The following CACNB4 variants were observed in gnomAD, a reference collection of about 807,000 sequenced individuals.
The protein encoded by CACNB4 is voltage-dependent L-type calcium channel subunit beta-4.
A neutral mutation model predicts 71.2 loss-of-function variants in CACNB4; 32 were observed. The observed-to-expected ratio is 0.45, with a 90% CI of 0.34 to 0.60. CACNB4 has a LOEUF of 0.60. CACNB4 is among the 20% of genes least tolerant of loss of function. The pLI is 0.01. For missense variants in CACNB4, 464 were observed against 647.9 expected, an observed-to-expected ratio of 0.72 and a Z score of 3.08; for synonymous variants, 231 against 236.9, an observed-to-expected ratio of 0.97 and a Z score of 0.23.
chr2:151,904,903 C>T (rs1431398521), intron 2 of CACNB4, among the ~76,000 whole-genome samples: 1 of 152,142 alleles, frequency 6.6e-6, no homozygotes, highest in Non-Finnish European at 1.5e-5. Flanking sequence ...GATTACTTAG[C>T]TGTGTGGTAA....
At chr2:152,003,987 G>A (rs541427769) in intron 2 of CACNB4, among the ~76,000 whole-genome samples, 1 of 152,136 alleles carries the variant, frequency 6.6e-6, no homozygotes, top group East Asian at 1.9e-4. Context: ...CGGACCACAG[G>A]CACATGCCAC....
intron 2 of CACNB4, among the ~76,000 whole-genome samples, chr2:152,058,924 T>C (rs1012855188): frequency 6.6e-6 from 1 of 152,258 alleles, no homozygotes; most frequent in African/African-American, 2.4e-5. Context: ...CCAGTCACTC[T>C]AGCTGTGGCT....
At chr2:151,869,393 T>C (rs1267104682) in intron 8 of CACNB4, 158 bp from the exon 9 acceptor site, 4 of 567,132 alleles carry the variant, frequency 7.1e-6, no homozygotes, top group African/African-American at 3.8e-5. Context: ...GTGTTTTTCA[T>C]GCTTAACCAT....
At chr2:152,016,389 AC>A (rs1373093487) in intron 2 of CACNB4, among the ~76,000 whole-genome samples, 1 of 152,244 alleles carries the variant, frequency 6.6e-6, no homozygotes, top group Non-Finnish European at 1.5e-5. Context: ...TGCCATAGAA[AC>A]CAGTAGACTT....
At position 152,098,730 on chromosome 2, in the gene CACNB4, A is replaced by G. The variant is rs2105505554; in HGVS notation, c.63+219T>C. 3 of 1,547,124 alleles carry G rather than the reference A, an allele frequency of 1.9e-6. No individual in the cohort carries two copies. The East Asian group carries it at 7.3e-5, about 38-fold the overall frequency. On this transcript the variant is annotated intron_variant, in intron 1 of 13. Coordinates refer to ENST00000539935, the MANE Select transcript of CACNB4 (RefSeq NM_000726.5). The surrounding 1 kb of genome is among the most constrained non-coding windows in gnomAD (Gnocchi z 5.3). The stretch of plus-strand genomic sequence containing the variant: ...TGCGGGCTCCGGAGCGGGAGCGCAG[A>G]GACCCGAAGGAGGGTGAGGAGGAGG...
intron 2 of CACNB4, among the ~76,000 whole-genome samples, chr2:152,015,327 T>C (rs1371054276): frequency 6.6e-6 from 1 of 152,014 alleles, no homozygotes; most frequent in Non-Finnish European, 1.5e-5. Context: ...GAGACGGGGT[T>C]TCACTATGTT....
chr2:151,954,867 T>TTTTTTTTTTTA, intron 2 of CACNB4, among the ~76,000 whole-genome samples: 1 of 146,754 alleles, frequency 6.8e-6, no homozygotes. Flanking sequence ...TTTTTTTTTT[T>TTTTTTTTTTTA]TTTTGAGATG....
chr2:152,039,341 G>T (rs1026747302), intron 2 of CACNB4, among the ~76,000 whole-genome samples: 1 of 151,880 alleles, frequency 6.6e-6, no homozygotes, highest in Admixed American at 6.6e-5. Flanking sequence ...GCTTGAACCC[G>T]GGAGGCGGAG....
At chr2:151,842,132 T>C (rs2099836373) in intron 12 of CACNB4, 44 bp from the exon 13 acceptor site, 1 of 1,544,318 alleles carries the variant, frequency 6.5e-7, no homozygotes, top group Non-Finnish European at 8.9e-7. Context: ...TTTTAGGTTT[T>C]AGGCAATGAA....
chr2:151,844,108 C>T (rs1241974116), intron 12 of CACNB4, among the ~76,000 whole-genome samples: 2 of 152,160 alleles, frequency 1.3e-5, no homozygotes, highest in Non-Finnish European at 2.9e-5. Context: ...TTTATTCATT[C>T]ATAAAATACT....
At chr2:151,937,083 T>C (rs1249972339) in intron 2 of CACNB4, among the ~76,000 whole-genome samples, 1 of 152,222 alleles carries the variant, frequency 6.6e-6, no homozygotes, top group Non-Finnish European at 1.5e-5. Flanking sequence ...ACAAATTACA[T>C]TTCAACCCAG....
chr2:151,842,846 AT>A (rs891722118), intron 12 of CACNB4, among the ~76,000 whole-genome samples: 53 of 152,296 alleles, frequency 3.5e-4, no homozygotes, highest in African/African-American at 1.1e-3. Flanking sequence ...TGGAATAAAC[AT>A]TTTTTCTCCT....
chr2:151,863,731 A>C (rs1018877086), intron 9 of CACNB4, among the ~76,000 whole-genome samples: 1 of 152,232 alleles, frequency 6.6e-6, no homozygotes, highest in African/African-American at 2.4e-5. Flanking sequence ...AGTTTGAAAA[A>C]ATTCAGAAAA....
chr2:152,023,911 G>A (rs1401560858), intron 2 of CACNB4, among the ~76,000 whole-genome samples: 1 of 152,226 alleles, frequency 6.6e-6, no homozygotes, highest in Non-Finnish European at 1.5e-5. Context: ...CTGTGTCCTG[G>A]AGGCACATAT....
intron 2 of CACNB4, among the ~76,000 whole-genome samples, chr2:151,959,956 G>A (rs926257534): frequency 2.6e-5 from 4 of 152,112 alleles, no homozygotes; most frequent in Non-Finnish European, 5.9e-5. Context: ...ATAACAAATG[G>A]TAACAGTGTA....
Position 152,098,741 on chromosome 2 carries a change from A to G in CACNB4, c.63+208T>C. ...GAGCGGGAGCGCAGAGACCCGAAGGAGGGTGAGGAGGAGGAGGAAGAGAAG... is the reference window on the plus strand; with the variant it reads ...GAGCGGGAGCGCAGAGACCCGAAGGGGGGTGAGGAGGAGGAGGAAGAGAAG... On this transcript the variant is annotated intron_variant, in intron 1 of 13. Coordinates refer to ENST00000539935, the MANE Select transcript of CACNB4 (RefSeq NM_000726.5). The surrounding 1 kb of genome is among the most constrained non-coding windows in gnomAD (Gnocchi z 5.3). 6.7e-7 allele frequency: 1 copy of G among 1,497,350 alleles called. No individual in the cohort carries two copies. Among genetic ancestry groups the G allele is most frequent in the African/African-American group, 1.4e-5 (1 of 71,050 alleles). The allele number at this position is 1,497,350 out of a possible 1,614,324, so 92.8% of individuals were successfully genotyped here. A position where few individuals can be genotyped will look rare whatever the true frequency, so the allele number is the denominator to read the frequency against.
At chr2:151,842,511 T>C (rs932726437) in intron 12 of CACNB4, among the ~76,000 whole-genome samples, 1 of 151,870 alleles carries the variant, frequency 6.6e-6, no homozygotes, top group African/African-American at 2.4e-5. Flanking sequence ...TTTTGTATTT[T>C]TTTTAGAAGA....
At chr2:151,983,983 C>G (rs1681182113) in intron 2 of CACNB4, among the ~76,000 whole-genome samples, 1 of 152,108 alleles carries the variant, frequency 6.6e-6, no homozygotes, top group South Asian at 2.1e-4. Context: ...TTTTCAAAAA[C>G]ATTAGTTTTA....
chr2:152,007,767 C>A (rs1167619946), intron 2 of CACNB4, among the ~76,000 whole-genome samples: 1 of 148,062 alleles, frequency 6.8e-6, no homozygotes, highest in Non-Finnish European at 1.5e-5. Context: ...TATGGTAATT[C>A]TACGTAATTT....
Sources: allele counts gnomAD v4.1 joint callset (sites outside exome capture counted in the v4.1 genomes callset), GRCh38; gene constraint gnomAD v4.1.1; non-coding constraint Gnocchi (gnomAD v3.1); transcripts MANE v1.5; gene names NCBI Gene and HGNC (gene_info 2026-07-23, HGNC 2026-07-21).